The following CSMD1 variants were observed in gnomAD, a reference collection of about 807,000 sequenced individuals.
CSMD1 encodes CUB and Sushi multiple domains 1.
A neutral mutation model predicts 417.5 loss-of-function variants in CSMD1; 213 were observed. The ratio of observed to expected loss-of-function variants is 0.51; its 90% CI spans 0.46 to 0.57. The LOEUF is 0.57. Ranked by LOEUF, CSMD1 falls within the 20% of genes least tolerant of loss-of-function variation. The pLI is 0.00. For missense variants in CSMD1, 6,923 were observed against 4,529.7 expected, an observed-to-expected ratio of 1.53 and a Z score of -15.17; for synonymous variants, 2,862 against 1,736.8, an observed-to-expected ratio of 1.65 and a Z score of -16.11.
intron 5 of CSMD1, among the ~76,000 whole-genome samples, chr8:3,859,663 C>T (rs565145317): frequency 6.6e-5 from 10 of 152,180 alleles, no homozygotes; most frequent in East Asian, 3.9e-4. Flanking sequence ...TGAGTTCAAC[C>T]ATATGGGCAA....
intron 5 of CSMD1, among the ~76,000 whole-genome samples, chr8:3,905,662 C>T (rs903543192): frequency 6.6e-6 from 1 of 152,172 alleles, no homozygotes; most frequent in Non-Finnish European, 1.5e-5. Context: ...GCTCATACTG[C>T]CAGTCCAGGA....
intron 8 of CSMD1, among the ~76,000 whole-genome samples, chr8:3,591,314 T>G (rs1412659380): frequency 6.6e-6 from 1 of 152,218 alleles, no homozygotes; most frequent in South Asian, 2.1e-4. Flanking sequence ...TGCTCCGTAT[T>G]TGATTTCGGA....
chr8:3,826,632 C>T (rs1802070502), intron 5 of CSMD1, among the ~76,000 whole-genome samples: 1 of 152,120 alleles, frequency 6.6e-6, no homozygotes, highest in African/African-American at 2.4e-5. Flanking sequence ...AGTATTACAT[C>T]TGGATTCTCT....
At chr8:4,661,472 C>T (rs560175749) in intron 1 of CSMD1, among the ~76,000 whole-genome samples, 3 of 152,080 alleles carry the variant, frequency 2.0e-5, no homozygotes, top group Non-Finnish European at 4.4e-5. Flanking sequence ...TTATTCATTG[C>T]TATGGGTTAG....
chr8:3,213,926 C>A (rs1797750914), intron 30 of CSMD1, among the ~76,000 whole-genome samples: 1 of 151,598 alleles, frequency 6.6e-6, no homozygotes, highest in Non-Finnish European at 1.5e-5. Context: ...GGCACAATCT[C>A]AGCTCACTGC....
chr8:3,555,989 T>C (rs988143633), intron 10 of CSMD1, among the ~76,000 whole-genome samples: 1 of 152,160 alleles, frequency 6.6e-6, no homozygotes, highest in Non-Finnish European at 1.5e-5. Flanking sequence ...TTAAAACTGG[T>C]GATTTCAATC....
chr8:3,382,431 TATA>T (rs926770515), intron 18 of CSMD1, among the ~76,000 whole-genome samples: 24 of 143,584 alleles, frequency 1.7e-4, no homozygotes, highest in African/African-American at 3.3e-4. Flanking sequence ...TAATATATTA[TATA>T]ATAACATATA....
intron 5 of CSMD1, among the ~76,000 whole-genome samples, chr8:3,882,341 C>T (rs963537293): frequency 1.5e-4 from 23 of 152,096 alleles, no homozygotes; most frequent in African/African-American, 4.3e-4. Context: ...AATAAAATCT[C>T]GACGATGACA....
At chr8:3,769,185 G>C (rs1448752529) in intron 5 of CSMD1, among the ~76,000 whole-genome samples, 7 of 152,190 alleles carry the variant, frequency 4.6e-5, no homozygotes, top group Admixed American at 3.3e-4. Flanking sequence ...GATTTTACAA[G>C]CTTTTAATGT....
At chr8:4,902,813 T>C (rs1425209851) in intron 1 of CSMD1, among the ~76,000 whole-genome samples, 2 of 152,036 alleles carry the variant, frequency 1.3e-5, no homozygotes, top group African/African-American at 2.4e-5. Flanking sequence ...GTGTATCCTT[T>C]TCACAAAATA....
chr8:4,976,699 G>A (rs889728907), intron 1 of CSMD1, among the ~76,000 whole-genome samples: 8 of 152,076 alleles, frequency 5.3e-5, no homozygotes, highest in African/African-American at 1.4e-4. Flanking sequence ...ATTTTTATTT[G>A]TTTTAATATA....
intron 20 of CSMD1, among the ~76,000 whole-genome samples, chr8:3,359,915 A>G (rs1296860880): frequency 6.6e-6 from 1 of 152,234 alleles, no homozygotes; most frequent in Non-Finnish European, 1.5e-5. Context: ...ATAGCATATT[A>G]AAATGAGATA....
intron 3 of CSMD1, among the ~76,000 whole-genome samples, chr8:4,253,406 A>G (rs888377465): frequency 1.5e-4 from 23 of 150,540 alleles, no homozygotes; most frequent in Admixed American, 1.1e-3. Flanking sequence ...TCTCAAATTT[A>G]TATATTTTTT....
At chr8:3,044,035 T>C (rs560832326) in intron 50 of CSMD1, among the ~76,000 whole-genome samples, 1 of 152,294 alleles carries the variant, frequency 6.6e-6, no homozygotes, top group East Asian at 1.9e-4. Flanking sequence ...CCTCTTCCAT[T>C]GCAAGCTGTT....
chr8:4,833,598 T>A (rs1800282291), intron 1 of CSMD1, among the ~76,000 whole-genome samples: 1 of 152,214 alleles, frequency 6.6e-6, no homozygotes, highest in South Asian at 2.1e-4. Flanking sequence ...GCACACGATT[T>A]TTGAAAGCAA....
At chr8:3,227,612 G>A (rs1425057536) in intron 27 of CSMD1, among the ~76,000 whole-genome samples, 1 of 152,096 alleles carries the variant, frequency 6.6e-6, no homozygotes, top group Non-Finnish European at 1.5e-5. Flanking sequence ...ATACTAGAGA[G>A]TGGCATCAGT....
intron 3 of CSMD1, among the ~76,000 whole-genome samples, chr8:4,033,567 T>C (rs1299968498): frequency 6.6e-6 from 1 of 152,224 alleles, no homozygotes; most frequent in African/African-American, 2.4e-5. Flanking sequence ...GATTGATGTC[T>C]TATGTCTCCC....
At chr8:3,922,149 C>T (rs998250946) in intron 5 of CSMD1, among the ~76,000 whole-genome samples, 9 of 151,670 alleles carry the variant, frequency 5.9e-5, no homozygotes, top group Admixed American at 2.6e-4. Flanking sequence ...TTCATGTTTC[C>T]GTTTTTGCCT....
At chr8:4,020,521 G>C (rs1056502584) in intron 4 of CSMD1, among the ~76,000 whole-genome samples, 2 of 152,174 alleles carry the variant, frequency 1.3e-5, no homozygotes, top group Non-Finnish European at 2.9e-5. Context: ...CTGCTTTCTG[G>C]ATGGGTGAAC....
Sources: allele counts gnomAD v4.1 joint callset (sites outside exome capture counted in the v4.1 genomes callset), GRCh38; gene constraint gnomAD v4.1.1; transcripts MANE v1.5; gene names NCBI Gene and HGNC (gene_info 2026-07-23, HGNC 2026-07-21).